The following DYRK1B variants were observed in gnomAD, a reference collection of about 807,000 sequenced individuals.
DYRK1B encodes dual specificity tyrosine phosphorylation regulated kinase 1B, also known as dual specificity tyrosine-phosphorylation-regulated kinase 1B.
A neutral mutation model predicts 57.1 loss-of-function variants in DYRK1B; 20 were observed. That is an observed-to-expected ratio of 0.35 (90% CI 0.25 to 0.51). DYRK1B has a LOEUF of 0.51. Among genes scored for constraint, DYRK1B ranks in the 20% least tolerant of loss-of-function variants. DYRK1B has a pLI of 0.96. For missense variants in DYRK1B, 732 were observed against 886.3 expected (o/e 0.83, Z 2.21); for synonymous variants, 409 against 384.7 (o/e 1.06, Z -0.74).
rs1166728675 is a variant in DYRK1B, at chr19:39,826,149, C to A, written c.1518+31G>T. The stretch of plus-strand genomic sequence containing the variant: ...GGTCTCTAAGCCCCAGGCACCACCA[C>A]CCACCTCCAAAGCCCCCAAAGCCCC... On this transcript the variant is annotated intron_variant, in intron 10 of 10. Coordinates refer to ENST00000323039, the MANE Select transcript of DYRK1B (RefSeq NM_004714.3). The surrounding 1 kb of genome is among the most constrained non-coding windows in gnomAD (Gnocchi z 6.3). 1.9e-6 allele frequency: 3 copies of A among 1,585,878 alleles called. No homozygotes were observed. The highest frequency in any genetic ancestry group is 2.7e-5 in the African/African-American group (2 of 73,212).
Position 39,827,594 on chromosome 19 carries a change from G to A in DYRK1B, c.870C>T (p.Tyr290=), listed in dbSNP as rs78838108. ...RSPEVLLGTP[Y]DLAIDMWSLG... ...GGGACCACATGTCAATGGCCAGGTC[G>A]TAGGGTGTGCCCAGGAGCACCTCAG... is the stretch of plus-strand genomic sequence containing the variant. Residue 290 remains tyrosine (Y), a synonymous_variant, in exon 7 of 11, where the codon TAC becomes TAT. Coordinates refer to ENST00000323039, the MANE Select transcript of DYRK1B (RefSeq NM_004714.3). The A allele has an allele frequency of 6.9e-5, 112 of 1,614,098 alleles. No homozygotes were observed. In the African/African-American group the frequency reaches 1.2e-3, roughly 17 times the overall value.
chr19:39,833,215 TCTC>T, intron 1 of DYRK1B: 1 of 985,546 alleles, frequency 1.0e-6, no homozygotes, highest in African/African-American at 1.7e-5. Context: ...AACCACCTCT[TCTC>T]CGGGGCCCTC....
At position 39,825,783 on chromosome 19, in the gene DYRK1B, C is replaced by T. The variant is rs1390043307; in HGVS notation, c.1822G>A (p.Asp608Asn). 3.2e-6 allele frequency: 5 copies of T among 1,568,466 alleles called. No homozygotes were observed. Among genetic ancestry groups the T allele is most frequent in the Non-Finnish European group, 4.3e-6 (5 of 1,158,276 alleles). The change falls in exon 11 of 11, where the codon GAC (aspartate) becomes AAC (asparagine). Residue 608 changes from aspartate (D) to asparagine (N), a missense_variant. Physicochemically the swap from Asp to Asn is conservative, Grantham distance 23 (BLOSUM62 1). Coordinates refer to ENST00000323039, the MANE Select transcript of DYRK1B (RefSeq NM_004714.3). ...AGGTGAGGCCCCAGAGTGGCAGGGTCATCAGGAGGCGGGAGGGGTGGACGA... is the reference window on the plus strand; with the variant it reads ...AGGTGAGGCCCCAGAGTGGCAGGGTTATCAGGAGGCGGGAGGGGTGGACGA... ...GGRPPLPPPD[D>N]PATLGPHLGL...
intron 1 of DYRK1B, chr19:39,832,978 C>T (rs1337304360): frequency 1.0e-6 from 1 of 985,176 alleles, no homozygotes; most frequent in Non-Finnish European, 1.2e-6. Context: ...AGACCTTTCT[C>T]CAGGCACCCC....
At chr19:39,833,840 C>T (rs984559486) in intron 1 of DYRK1B, among the ~76,000 whole-genome samples, 183 bp downstream of exon 1, 2 of 152,164 alleles carry the variant, frequency 1.3e-5, no homozygotes, top group Non-Finnish European at 2.9e-5. Context: ...ACTGCTTCCT[C>T]GGGCTTGGCC....
rs142943294 is a variant in DYRK1B, at chr19:39,831,808, C to A, written c.60G>T (p.Thr20=). ...FSGFPGPQEH[T]QVLPDVRLLP... ...GAGGAGCCAGCTGAACGCGTACCTG[C>A]GTGTGCTCCTGGGGCCCTGGGAAGC... Residue 20 remains threonine, a synonymous_variant, in exon 2 of 11, where the codon ACG becomes ACT. Transcript: ENST00000323039. The A allele has an allele frequency of 3.1e-4, 474 of 1,548,066 alleles. 1 individual carries two copies. In the African/African-American group the frequency reaches 4.9e-3, roughly 16 times the overall value.
chr19:39,830,814 G>C (rs1285914008), intron 2 of DYRK1B, 31 bp from the exon 3 acceptor site: 3 of 1,588,686 alleles, frequency 1.9e-6, no homozygotes, highest in Non-Finnish European at 2.6e-6. Flanking sequence ...TGGGCACTGA[G>C]GACGTGCCTT....
In DYRK1B at chr19:39,832,970, A is replaced by G. The variant is rs146791408; in HGVS notation, c.-101-1002T>C. 8.2e-5 allele frequency: 81 copies of G among 984,866 alleles called. 3 individuals are homozygous for G. In the African/African-American group the frequency reaches 1.3e-3, roughly 16 times the overall value. 61.0% of individuals were successfully genotyped at this position (984,866 alleles called of 1,614,324 possible). On this transcript the variant is annotated intron_variant, in intron 1 of 10. Coordinates refer to ENST00000323039, the MANE Select transcript of DYRK1B (RefSeq NM_004714.3). Reference sequence around the variant, plus strand: ...ACACACCCTAATATTCCTACCACAGACCTTTCTCCAGGCACCCCTCTTTAT... The same window carrying G: ...ACACACCCTAATATTCCTACCACAGGCCTTTCTCCAGGCACCCCTCTTTAT...
intron 3 of DYRK1B, 33 bp downstream of exon 3, chr19:39,830,631 C>T: frequency 6.2e-7 from 1 of 1,612,806 alleles, no homozygotes; most frequent in Non-Finnish European, 8.5e-7. Context: ...AGACCCTCGG[C>T]ACCCAGCCCA....
chr19:39,832,103 C>A, intron 1 of DYRK1B, 135 bp from the exon 2 acceptor site: 3 of 993,324 alleles, frequency 3.0e-6, no homozygotes, highest in Non-Finnish European at 4.0e-6. Context: ...CAGCAGATAG[C>A]AATGAAGAGA....
intron 1 of DYRK1B, among the ~76,000 whole-genome samples, chr19:39,833,812 C>G (rs546259737): frequency 1.3e-5 from 2 of 152,336 alleles, no homozygotes; most frequent in South Asian, 4.1e-4. Flanking sequence ...GCTACCCCCT[C>G]CCAGCCTCCC....
rs779874553 is a variant in DYRK1B at position 39,828,477 on chromosome 19, G to A, written c.627C>T (p.Val209=). 2.2e-5 allele frequency: 35 copies of A among 1,613,618 alleles called. No homozygotes were observed. Among genetic ancestry groups the A allele is most frequent in the Non-Finnish European group, 9.3e-6 (11 of 1,179,854 alleles). Residue 209 remains valine (V), a synonymous_variant, in exon 6 of 11, where the codon GTC becomes GTT. Coordinates refer to ENST00000323039, the MANE Select transcript of DYRK1B (RefSeq NM_004714.3). This position sits in a 1 kb window ranked among gnomAD's most constrained non-coding sequence, Gnocchi z 4.3. ...CCAGCTTCCGGGTCAGGTTCAGCGAGACGCCGCGGAAGTGGGTGTTGCGCA... is the reference window on the plus strand; with the variant it reads ...CCAGCTTCCGGGTCAGGTTCAGCGAAACGCCGCGGAAGTGGGTGTTGCGCA... ...DLLRNTHFRG[V]SLNLTRKLAQ... is the part of the protein sequence containing the mutation.
rs764203462 is a variant in DYRK1B at position 39,825,900 on chromosome 19, C to G, written c.1705G>C (p.Val569Leu). 34 of 1,575,040 alleles carry G rather than the reference C, an allele frequency of 2.2e-5. No individual in the cohort carries two copies. The highest frequency in any genetic ancestry group is 2.8e-5 in the Non-Finnish European group (33 of 1,161,746). Residue 569 changes from valine to leucine, a missense_variant, in exon 11 of 11, where the codon GTG (valine) becomes CTG (leucine). Transcript: ENST00000323039. ...PPPELMDVSL[V>L]GGPADCSPPH... ...GGGGAGCAGTCAGCAGGGCCGCCCA[C>G]CAGGCTCACATCCATCAGCTCCGGG...
Position 39,825,637 on chromosome 19 carries a change from AGAGAT to A in DYRK1B, c.*73_*77del. Reference sequence around the variant, plus strand: ...GGTAGCAGCAATTCCAGTCAAGGAGAGAGATGAGGATGGGAGCCCAGGGCCCCCAG... The same window carrying A: ...GGTAGCAGCAATTCCAGTCAAGGAGAGAGGATGGGAGCCCAGGGCCCCCAG... On this transcript the variant is annotated 3_prime_UTR_variant, in exon 11 of 11. Coordinates refer to ENST00000323039, the MANE Select transcript of DYRK1B (RefSeq NM_004714.3). 7.1e-7 allele frequency: 1 copy of A among 1,416,898 alleles called. No individual in the cohort carries two copies. Among genetic ancestry groups the A allele is most frequent in the Non-Finnish European group, 9.6e-7 (1 of 1,041,764 alleles). 87.8% of individuals were successfully genotyped at this position (1,416,898 alleles called of 1,614,324 possible).
In DYRK1B at chr19:39,827,615, C is replaced by T; in HGVS notation, c.849G>A (p.Glu283=). Residue 283 remains glutamate (E), a synonymous_variant, in exon 7 of 11, where the codon GAG becomes GAA. Transcript: ENST00000323039. Reference sequence around the variant, plus strand: ...GGTCGTAGGGTGTGCCCAGGAGCACCTCAGGTGAGCGGTAGAAGCGGCTCT... The same window carrying T: ...GGTCGTAGGGTGTGCCCAGGAGCACTTCAGGTGAGCGGTAGAAGCGGCTCT... The part of the protein sequence containing the change: ...YIQSRFYRSP[E]VLLGTPYDLA... 6.2e-7 allele frequency: 1 copy of T among 1,614,082 alleles called. No individual in the cohort carries two copies. Among genetic ancestry groups the T allele is most frequent in the African/African-American group, 1.3e-5 (1 of 75,042 alleles).
chr19:39,832,117 G>T, intron 1 of DYRK1B, 149 bp from the exon 2 acceptor site: 1 of 816,484 alleles, frequency 1.2e-6, no homozygotes, highest in Non-Finnish European at 1.7e-6. Flanking sequence ...GAAGAGAAGG[G>T]GCAGAGAAGT....
intron 1 of DYRK1B, among the ~76,000 whole-genome samples, 174 bp downstream of exon 1, chr19:39,833,849 C>T (rs1251616508): frequency 1.3e-5 from 2 of 152,142 alleles, no homozygotes; most frequent in Non-Finnish European, 2.9e-5. Context: ...TCGGGCTTGG[C>T]CGGTTCCAGG....
At chr19:39,827,777 C>A in intron 6 of DYRK1B, 121 bp from the exon 7 acceptor site, 1 of 1,227,810 alleles carries the variant, frequency 8.1e-7, no homozygotes, top group Non-Finnish European at 1.1e-6. Flanking sequence ...ACTGAGGCTC[C>A]AAATCCTGCC....
At position 39,828,432 on chromosome 19, in the gene DYRK1B, T is replaced by G. The variant is rs760041088; in HGVS notation, c.672A>C (p.Ala224=). 9.7e-5 allele frequency: 157 copies of G among 1,613,832 alleles called. 1 individual carries two copies. In the East Asian group the frequency reaches 3.5e-3, roughly 36 times the overall value. ...GCTCAGGCGTGGCCAGAAAGAGCAG[T>G]GCCGTGCAGAGCTGCTGCGCCAGCT... ...TRKLAQQLCT[A]LLFLATPELS... is the part of the protein sequence containing the mutation. The change falls in exon 6 of 11, where the codon GCA becomes GCC. Residue 224 remains alanine, a synonymous_variant. Transcript: ENST00000323039. This position sits in a 1 kb window ranked among gnomAD's most constrained non-coding sequence, Gnocchi z 4.3.
Sources: gnomAD v4.1 joint callset for allele counts (sites outside exome capture counted in the v4.1 genomes callset) on GRCh38, gnomAD v4.1.1 for gene constraint, Gnocchi (gnomAD v3.1) non-coding constraint, MANE v1.5 for transcripts, NCBI Gene and HGNC (gene_info 2026-07-23, HGNC 2026-07-21) for gene names.